OR5H14: variants seen among roughly 807,000 people sequenced by gnomAD.
The protein encoded by OR5H14 is olfactory receptor 5H14.
For synonymous variants in OR5H14, 155 were observed against 130.6 expected (o/e 1.19, Z -1.28); for missense variants, 392 against 363.9 (o/e 1.08, Z -0.63).
At position 98,155,237 on chromosome 3, in the gene OR5H14, A is replaced by G. The variant is rs1465339224; in HGVS notation, c.*4919A>G. The G allele has an allele frequency of 6.6e-5, 10 of 152,264 alleles. No individual in the cohort carries two copies. The East Asian group carries it at 1.9e-3, about 29-fold the overall frequency. The allele number at this position is 152,264 out of a possible 1,614,324, so 9.4% of individuals were successfully genotyped here. A position where few individuals can be genotyped will look rare whatever the true frequency, so the allele number is the denominator to read the frequency against. ...CAACAAACCGTGTTTAGAAAACCCT[A>G]CCCTCTGGATTTTTGGAAAGGGTGA... On this transcript the variant is annotated 3_prime_UTR_variant, in exon 2 of 2. Coordinates refer to ENST00000641380, the MANE Select transcript of OR5H14 (RefSeq NM_001005514.2).
chr3:98,150,453 G>T lies in OR5H14; in HGVS notation c.*135G>T. ...AGCGCTTTAATGACCTATGATATAA[G>T]CACCTATTTAACTAATTAAAATATT... is the stretch of plus-strand genomic sequence containing the variant. On this transcript the variant is annotated 3_prime_UTR_variant, in exon 2 of 2. Coordinates refer to ENST00000641380, the MANE Select transcript of OR5H14 (RefSeq NM_001005514.2). 1 of 513,364 alleles carries T rather than the reference G, an allele frequency of 1.9e-6. No individual in the cohort carries two copies. The highest frequency in any genetic ancestry group is 4.6e-5 in the South Asian group (1 of 21,822). 31.8% of individuals were successfully genotyped at this position (513,364 alleles called of 1,614,324 possible). A position where few individuals can be genotyped will look rare whatever the true frequency, so the allele number is the denominator to read the frequency against.
At position 98,150,088 on chromosome 3, in the gene OR5H14, A is replaced by G. The variant is rs1708483397; in HGVS notation, c.703A>G (p.Arg235Gly). Reference protein sequence around the residue: ...ILKKKSVKGMRKAFSTCGAHL... With the variant: ...ILKKKSVKGMGKAFSTCGAHL... ...GAAAAAGAAGTCTGTCAAAGGTATGAGAAAAGCCTTCTCCACCTGTGGAGC... is the reference window on the plus strand; with the variant it reads ...GAAAAAGAAGTCTGTCAAAGGTATGGGAAAAGCCTTCTCCACCTGTGGAGC... Residue 235 changes from arginine (R) to glycine (G), a missense_variant, in exon 2 of 2, where the codon AGA (arginine) becomes GGA (glycine). By Grantham distance (125) the Arg-to-Gly change is moderately radical. Transcript: ENST00000641380. 1 of 1,610,664 alleles carries G rather than the reference A, an allele frequency of 6.2e-7. No homozygotes were observed. Among genetic ancestry groups the G allele is most frequent in the Admixed American group, 1.7e-5 (1 of 59,286 alleles).
At position 98,150,271 on chromosome 3, in the gene OR5H14, CAAGT is replaced by C. The variant is rs749320987; in HGVS notation, c.889_892del (p.Val297Ter). ...CATGATCTACAGCCTGAGAAACAAG[CAAGT>C]AATAGCTTCATTCACAAAAATGTTC... is the stretch of plus-strand genomic sequence containing the variant. On this transcript the variant is annotated frameshift_variant, in exon 2 of 2. Transcript: ENST00000641380. LOFTEE classifies it low-confidence loss of function (END_TRUNC). 40 of 1,596,220 alleles carry C rather than the reference CAAGT, an allele frequency of 2.5e-5. No individual in the cohort carries two copies. Among genetic ancestry groups the C allele is most frequent in the Non-Finnish European group, 3.2e-5 (38 of 1,173,168 alleles).
Position 98,155,103 on chromosome 3 carries a change from G to A in OR5H14, c.*4785G>A, listed in dbSNP as rs1451124905. ...TCAGAATGGTAAAAGGACTCCTCTA[G>A]TTTTGTGACCACCCCCCTGCTGCAG... On this transcript the variant is annotated 3_prime_UTR_variant, in exon 2 of 2. Transcript: ENST00000641380. 6.6e-6 allele frequency: 1 copy of A among 151,674 alleles called. No individual in the cohort carries two copies. Among genetic ancestry groups the A allele is most frequent in the South Asian group, 2.1e-4 (1 of 4,776 alleles). 9.4% of individuals were successfully genotyped at this position (151,674 alleles called of 1,614,324 possible). A position where few individuals can be genotyped will look rare whatever the true frequency, so the allele number is the denominator to read the frequency against.
chr3:98,149,808 C>A lies in OR5H14; in HGVS notation c.423C>A (p.Cys141Ter). The A allele has an allele frequency of 1.2e-6, 2 of 1,612,734 alleles. No individual in the cohort carries two copies. The highest frequency in any genetic ancestry group is 1.7e-6 in the Non-Finnish European group (2 of 1,179,674). Residue 141 changes from cysteine (C) to a stop codon, truncating the protein, a stop_gained, in exon 2 of 2, where the codon TGC becomes TGA. Transcript: ENST00000641380. LOFTEE classifies it low-confidence loss of function (END_TRUNC). ...LYPAIMTNGL[C>*]IRLLILSYVG... ...CAGCCATTATGACCAATGGACTGTG[C>A]ATCCGGCTATTAATCTTGTCATATG...
rs1576105637 is a variant in OR5H14, at chr3:98,150,615, G to A, written c.*297G>A. 3 of 202,576 alleles carry A rather than the reference G, an allele frequency of 1.5e-5. No individual in the cohort carries two copies. The highest frequency in any genetic ancestry group is 3.0e-5 in the Non-Finnish European group (3 of 100,594). 12.5% of individuals were successfully genotyped at this position (202,576 alleles called of 1,614,324 possible). A position where few individuals can be genotyped will look rare whatever the true frequency, so the allele number is the denominator to read the frequency against. ...TTATAAATGCATTAAATGCAAAATA[G>A]TCTAGTTTATCTGATAAGCACTTAA... is the stretch of plus-strand genomic sequence containing the variant. On this transcript the variant is annotated 3_prime_UTR_variant, in exon 2 of 2. Coordinates refer to ENST00000641380, the MANE Select transcript of OR5H14 (RefSeq NM_001005514.2).
chr3:98,155,402 G>C lies in OR5H14; in HGVS notation c.*5084G>C, dbSNP rs77686093. On this transcript the variant is annotated 3_prime_UTR_variant, in exon 2 of 2. Transcript: ENST00000641380. ...ATCTCATTAGGTGGTTCCGTACAGA[G>C]AGGGAGCAGTTGGAGTTAAGTCAGT... The C allele has an allele frequency of 0.17, 24,097 of 146,010 alleles. No individual in the cohort carries two copies. The highest frequency in any genetic ancestry group is 0.35 in the East Asian group (1,702 of 4,848). The allele number at this position is 146,010 out of a possible 1,614,324, so 9.0% of individuals were successfully genotyped here.
rs1399112051 is a variant in OR5H14 at position 98,156,437 on chromosome 3, A to G, written c.*6119A>G. ...TTTGTATCTCATTATTATGGTTAAA[A>G]TCTTGACAAGCAAAATACCTATAAA... On this transcript the variant is annotated 3_prime_UTR_variant, in exon 2 of 2. Coordinates refer to ENST00000641380, the MANE Select transcript of OR5H14 (RefSeq NM_001005514.2). The G allele has an allele frequency of 1.3e-5, 2 of 152,176 alleles. No homozygotes were observed. The highest frequency in any genetic ancestry group is 1.5e-5 in the Non-Finnish European group (1 of 68,010). 9.4% of individuals were successfully genotyped at this position (152,176 alleles called of 1,614,324 possible).
Position 98,149,998 on chromosome 3 carries a change from T to G in OR5H14, c.613T>G (p.Ser205Ala). 1.2e-6 allele frequency: 2 copies of G among 1,613,108 alleles called. No homozygotes were observed. Among genetic ancestry groups the G allele is most frequent in the Non-Finnish European group, 1.7e-6 (2 of 1,179,544 alleles). ...TCTAATGGTTTTTATTTTTGCAGGTTCAATTCAAGTTTTTACCATAGGGAC... is the reference window on the plus strand; with the variant it reads ...TCTAATGGTTTTTATTTTTGCAGGTGCAATTCAAGTTTTTACCATAGGGAC... The part of the protein sequence containing the change: ...NFLMVFIFAG[S>A]IQVFTIGTVL... The change falls in exon 2 of 2, where the codon TCA becomes GCA. Residue 205 changes from serine to alanine, a missense_variant. Transcript: ENST00000641380.
At position 98,155,533 on chromosome 3, in the gene OR5H14, G is replaced by A. The variant is rs1014232240; in HGVS notation, c.*5215G>A. On this transcript the variant is annotated 3_prime_UTR_variant, in exon 2 of 2. Transcript: ENST00000641380. Reference sequence around the variant, plus strand: ...GTGACAGCACCAACTAGGTGGCAAGGCATTGCAAGATTGTCTTTGTTTTTA... The same window carrying A: ...GTGACAGCACCAACTAGGTGGCAAGACATTGCAAGATTGTCTTTGTTTTTA... 7 of 152,202 alleles carry A rather than the reference G, an allele frequency of 4.6e-5. No homozygotes were observed. Among genetic ancestry groups the A allele is most frequent in the African/African-American group, 1.7e-4 (7 of 41,472 alleles). The allele number at this position is 152,202 out of a possible 1,614,324, so 9.4% of individuals were successfully genotyped here. A position where few individuals can be genotyped will look rare whatever the true frequency, so the allele number is the denominator to read the frequency against.
At position 98,150,197 on chromosome 3, in the gene OR5H14, A is replaced by T. The variant is rs1708485316; in HGVS notation, c.812A>T (p.Asp271Val). ...GCATCCCCACAGGCTGATGACCAAG[A>T]TATGATGGAGTCTCTATTTTACACT... ...GSASPQADDQ[D>V]MMESLFYTVI... The change falls in exon 2 of 2, where the codon GAT (aspartate) becomes GTT (valine). Residue 271 changes from aspartate to valine, a missense_variant. Physicochemically the swap from Asp to Val is radical, Grantham distance 152. Transcript: ENST00000641380. 1 of 1,612,908 alleles carries T rather than the reference A, an allele frequency of 6.2e-7. No individual in the cohort carries two copies. Among genetic ancestry groups the T allele is most frequent in the African/African-American group, 1.3e-5 (1 of 74,898 alleles).
chr3:98,149,163 GAGTAT>G (rs765312863), intron 1 of OR5H14, among the ~76,000 whole-genome samples, 200 bp from the exon 2 acceptor site: 17 of 151,920 alleles, frequency 1.1e-4, no homozygotes, highest in Non-Finnish European at 1.9e-4. Flanking sequence ...AGTAAATCCA[GAGTAT>G]GCATATTACT....
rs1274470304 is a variant in OR5H14, at chr3:98,154,959, G to A, written c.*4641G>A. ...GGCTCCTGATCATCATGCAACTGGA[G>A]GCCATGGAATTCTAACCTTCCTAAC... On this transcript the variant is annotated 3_prime_UTR_variant, in exon 2 of 2. Transcript: ENST00000641380. The A allele has an allele frequency of 1.6e-5, 2 of 125,890 alleles. No homozygotes were observed. Among genetic ancestry groups the A allele is most frequent in the African/African-American group, 3.4e-5 (1 of 29,654 alleles). The allele number at this position is 125,890 out of a possible 1,614,324, so 7.8% of individuals were successfully genotyped here.
rs1449754581 is a variant in OR5H14, at chr3:98,154,797, A to G, written c.*4479A>G. On this transcript the variant is annotated 3_prime_UTR_variant, in exon 2 of 2. Coordinates refer to ENST00000641380, the MANE Select transcript of OR5H14 (RefSeq NM_001005514.2). ...TTCTTCATTCCTGAGTGTAGGTCCA[A>G]CTACCTCTGGGAGGAATTTATAGTT... 1 of 152,190 alleles carries G rather than the reference A, an allele frequency of 6.6e-6. No individual in the cohort carries two copies. The highest frequency in any genetic ancestry group is 2.4e-5 in the African/African-American group (1 of 41,540). The allele number at this position is 152,190 out of a possible 1,614,324, so 9.4% of individuals were successfully genotyped here.
rs530012776 is a variant in OR5H14, at chr3:98,151,532, T to A, written c.*1214T>A. 3 of 152,246 alleles carry A rather than the reference T, an allele frequency of 2.0e-5. No homozygotes were observed. The South Asian group carries it at 6.2e-4, about 32-fold the overall frequency. The allele number at this position is 152,246 out of a possible 1,614,324, so 9.4% of individuals were successfully genotyped here. On this transcript the variant is annotated 3_prime_UTR_variant, in exon 2 of 2. Coordinates refer to ENST00000641380, the MANE Select transcript of OR5H14 (RefSeq NM_001005514.2). ...CCTCTAGTTATTTCCTCCACCCTTC[T>A]AGCACTCATTCATTCCCCCATTTTG... is the stretch of plus-strand genomic sequence containing the variant.
intron 1 of OR5H14, among the ~76,000 whole-genome samples, chr3:98,148,915 G>A (rs975967362): frequency 4.6e-5 from 7 of 151,756 alleles, no homozygotes; most frequent in Admixed American, 6.6e-5. Context: ...TCCCCATCCC[G>A]CAGCATATTT....
chr3:98,156,030 G>A lies in OR5H14; in HGVS notation c.*5712G>A, dbSNP rs1445588837. 6.6e-6 allele frequency: 1 copy of A among 152,122 alleles called. No individual in the cohort carries two copies. Among genetic ancestry groups the A allele is most frequent in the East Asian group, 1.9e-4 (1 of 5,188 alleles). The allele number at this position is 152,122 out of a possible 1,614,324, so 9.4% of individuals were successfully genotyped here. A position where few individuals can be genotyped will look rare whatever the true frequency, so the allele number is the denominator to read the frequency against. On this transcript the variant is annotated 3_prime_UTR_variant, in exon 2 of 2. Coordinates refer to ENST00000641380, the MANE Select transcript of OR5H14 (RefSeq NM_001005514.2). ...AGGAAAGCCTAAGATGCTCTCAGGG[G>A]AATTTCAGTTCTCTGACTTTTTCTC... is the stretch of plus-strand genomic sequence containing the variant.
chr3:98,149,674 T>C lies in OR5H14; in HGVS notation c.289T>C (p.Cys97Arg). The change falls in exon 2 of 2, where the codon TGC (cysteine) becomes CGC (arginine). Residue 97 changes from cysteine to arginine, a missense_variant. Cys to Arg is a radical substitution (Grantham distance 180). Coordinates refer to ENST00000641380, the MANE Select transcript of OR5H14 (RefSeq NM_001005514.2). ...GAGTAAGATGATATCTCTCTCTGAA[T>C]GCAAGATACAGTTGTTTTCGTTTGC... ...AKSKMISLSE[C>R]KIQLFSFAIS... The C allele has an allele frequency of 6.2e-7, 1 of 1,613,540 alleles. No homozygotes were observed. Among genetic ancestry groups the C allele is most frequent in the Middle Eastern group, 1.7e-4 (1 of 6,050 alleles).
chr3:98,148,285 A>G (rs1389382775), intron 1 of OR5H14, among the ~76,000 whole-genome samples: 2 of 152,116 alleles, frequency 1.3e-5, no homozygotes, highest in East Asian at 1.9e-4. Flanking sequence ...GCTATTTACC[A>G]GACATATGTC....
Sources: gnomAD v4.1 joint callset for allele counts (sites outside exome capture counted in the v4.1 genomes callset) on GRCh38, gnomAD v4.1.1 for gene constraint, MANE v1.5 for transcripts, NCBI Gene and HGNC (gene_info 2026-07-23, HGNC 2026-07-21) for gene names.